KCTD1: variants seen among roughly 807,000 people sequenced by gnomAD.
The protein encoded by KCTD1 is potassium channel tetramerization domain containing 1, also known as BTB/POZ domain-containing protein KCTD1.
KCTD1 carries 24 observed loss-of-function variants against 66.0 expected under a neutral mutation model. The observed-to-expected ratio is 0.36, with a 90% CI of 0.26 to 0.51. The LOEUF (loss-of-function observed/expected upper bound fraction) is 0.51, where lower values mean the gene tolerates loss of function less well. Ranked by LOEUF, KCTD1 falls within the 20% of genes least tolerant of loss-of-function variation. The pLI, the probability that KCTD1 is intolerant of heterozygous loss-of-function variation, is 0.95. For synonymous variants in KCTD1, 511 were observed against 517.2 expected, an observed-to-expected ratio of 0.99 and a Z score of 0.16; for missense variants, 943 against 1,205.2, an observed-to-expected ratio of 0.78 and a Z score of 3.22.
Position 26,476,761 on chromosome 18 carries a change from G to A in KCTD1, c.1989-102C>T, listed in dbSNP as rs1981371267. 2 of 997,318 alleles carry A rather than the reference G, an allele frequency of 2.0e-6. No homozygotes were observed. Among genetic ancestry groups the A allele is most frequent in the Non-Finnish European group, 3.0e-6 (2 of 664,156 alleles). The allele number at this position is 997,318 out of a possible 1,614,324, so 61.8% of individuals were successfully genotyped here. A position where few individuals can be genotyped will look rare whatever the true frequency, so the allele number is the denominator to read the frequency against. ...CACTGTCAAAGGTAGCACTTTTGAAGATGGCAGTAGGGAAAAATTACGATT... is the reference window on the plus strand; with the variant it reads ...CACTGTCAAAGGTAGCACTTTTGAAAATGGCAGTAGGGAAAAATTACGATT... On this transcript the variant is annotated intron_variant, in intron 2 of 4. Transcript: ENST00000580059. This position sits in a 1 kb window ranked among gnomAD's most constrained non-coding sequence, Gnocchi z 4.9.
intron 1 of KCTD1, among the ~76,000 whole-genome samples, chr18:26,537,658 C>T (rs926680577): frequency 2.6e-5 from 4 of 152,196 alleles, no homozygotes; most frequent in African/African-American, 9.7e-5. Flanking sequence ...ATTAGGGAAA[C>T]GTAAACATCA....
In KCTD1 at chr18:26,548,204, G is replaced by A. The variant is rs780845876; in HGVS notation, c.333C>T (p.Ala111=). The A allele has an allele frequency of 7.4e-5, 112 of 1,503,844 alleles. No individual in the cohort carries two copies. The highest frequency in any genetic ancestry group is 5.7e-4 in the African/African-American group (41 of 71,534). The allele number at this position is 1,503,844 out of a possible 1,614,324, so 93.2% of individuals were successfully genotyped here. A position where few individuals can be genotyped will look rare whatever the true frequency, so the allele number is the denominator to read the frequency against. Reference sequence around the variant, plus strand: ...CCGGCTCGGGCTCCAGCTCCTCCCCGGCCGAGTCCTCGGGCTCCAGGGGCT... The same window carrying A: ...CCGGCTCGGGCTCCAGCTCCTCCCCAGCCGAGTCCTCGGGCTCCAGGGGCT... The part of the protein sequence containing the change: ...WDEPLEPEDS[A]GEELEPEPVH... Residue 111 remains alanine (A), a synonymous_variant, in exon 1 of 5, where the codon GCC becomes GCT. Transcript: ENST00000580059.
intron 2 of KCTD1, among the ~76,000 whole-genome samples, chr18:26,492,490 G>A (rs1187496463): frequency 1.3e-5 from 2 of 151,950 alleles, no homozygotes; most frequent in South Asian, 2.1e-4. Flanking sequence ...AAAATTAACC[G>A]AATGTGGTGG....
intron 1 of KCTD1, among the ~76,000 whole-genome samples, chr18:26,514,426 C>T (rs1378068979): frequency 1.3e-5 from 2 of 151,726 alleles, no homozygotes; most frequent in South Asian, 2.1e-4. Flanking sequence ...GTGGTCTCAG[C>T]CTACAGTCTG....
At chr18:26,495,554 C>T (rs755106370) in intron 2 of KCTD1, among the ~76,000 whole-genome samples, 2 of 152,098 alleles carry the variant, frequency 1.3e-5, no homozygotes, top group South Asian at 4.1e-4. Flanking sequence ...GAGTTTCTTG[C>T]GTTTTGCAAT....
intron 1 of KCTD1, among the ~76,000 whole-genome samples, chr18:26,656,318 G>A (rs1283443163): frequency 6.6e-6 from 1 of 151,868 alleles, no homozygotes; most frequent in Non-Finnish European, 1.5e-5. Context: ...TCCCAGCGCC[G>A]CCCCCACCCC....
chr18:26,478,139 T>C (rs1016300148), intron 2 of KCTD1, among the ~76,000 whole-genome samples: 3 of 152,242 alleles, frequency 2.0e-5, no homozygotes, highest in Admixed American at 1.3e-4. Flanking sequence ...TAAAACATTT[T>C]ACTCTTCACT....
rs369197738 is a variant in KCTD1 at position 26,653,519 on chromosome 18, G to A, written c.9+3841C>T. On this transcript the variant is annotated intron_variant, in intron 1 of 4. Transcript: ENST00000580191. ...ATCTCTGTCAGTTGTTCAGTTATTC[G>A]ATGAATGTCTGCCTCTCTGTCTGGA... Among the ~76,000 whole-genome samples, 9 of 152,192 alleles carry A rather than the reference G, an allele frequency of 5.9e-5. No individual in the cohort carries two copies. The South Asian group carries it at 6.2e-4, about 11-fold the overall frequency.
chr18:26,588,933 C>T (rs531058334), intron 1 of KCTD1, among the ~76,000 whole-genome samples: 3 of 152,236 alleles, frequency 2.0e-5, no homozygotes, highest in South Asian at 2.1e-4. Context: ...GAGGTCCATG[C>T]GGCTTGGCTT....
At chr18:26,469,332 G>A (rs1239206256) in intron 3 of KCTD1, among the ~76,000 whole-genome samples, 6 of 152,178 alleles carry the variant, frequency 3.9e-5, no homozygotes, top group Non-Finnish European at 5.9e-5. Flanking sequence ...ATCCTAGGCA[G>A]GTGGGTGGGT....
chr18:26,557,393 A>T (rs966762568), intron 1 of KCTD1, among the ~76,000 whole-genome samples: 1 of 152,216 alleles, frequency 6.6e-6, no homozygotes, highest in African/African-American at 2.4e-5. Context: ...ACCATGCTTT[A>T]GTGGTCAACA....
chr18:26,567,488 G>GTTTTTTTTT (rs201110977), intron 1 of KCTD1, among the ~76,000 whole-genome samples: 1 of 112,772 alleles, frequency 8.9e-6, no homozygotes, highest in African/African-American at 3.2e-5. Flanking sequence ...TGTTGTTGTT[G>GTTTTTTTTT]TTTTTTTTTT....
intron 1 of KCTD1, among the ~76,000 whole-genome samples, chr18:26,601,228 C>T (rs1026071370): frequency 8.3e-5 from 12 of 145,404 alleles, no homozygotes; most frequent in Admixed American, 2.1e-4. Context: ...CCCACCCGTA[C>T]GGACTTGGGG....
Position 26,459,695 on chromosome 18 carries a change from A to C in KCTD1, c.2364T>G (p.Asn788Lys), listed in dbSNP as rs1314689399. The part of the protein sequence containing the change: ...EIGDVMCNSV[N>K]AGWNHDSTHV... ...GCGTCGAGTCGTGATTCCAGCCTGC[A>C]TTGACAGAGTTACACATCACGTCGC... The change falls in exon 4 of 5, where the codon AAT becomes AAG. Residue 788 changes from asparagine (N) to lysine (K), a missense_variant. By Grantham distance (94) the Asn-to-Lys change is moderately conservative. This residue lies in a region of KCTD1 where 162 missense variants were observed against 232.4 expected (regional missense o/e 0.70). Transcript: ENST00000580059. The C allele has an allele frequency of 2.5e-6, 4 of 1,613,760 alleles. No individual in the cohort carries two copies. Among genetic ancestry groups the C allele is most frequent in the Non-Finnish European group, 3.4e-6 (4 of 1,179,782 alleles).
intron 1 of KCTD1, among the ~76,000 whole-genome samples, chr18:26,609,146 A>G (rs1056433661): frequency 2.6e-5 from 4 of 152,198 alleles, no homozygotes; most frequent in Non-Finnish European, 4.4e-5. Flanking sequence ...ATAGGATAAA[A>G]TGTTAAAGTA....
intron 1 of KCTD1, among the ~76,000 whole-genome samples, chr18:26,556,004 C>T (rs996895732): frequency 5.3e-5 from 8 of 149,872 alleles, no homozygotes; most frequent in African/African-American, 1.2e-4. Context: ...GTACCTGCCC[C>T]GTGGCTGTGT....
chr18:26,550,043 T>C (rs8084658), upstream of KCTD1, among the ~76,000 whole-genome samples: 10,709 of 151,210 alleles, frequency 0.071, 515 homozygotes, highest in African/African-American at 0.13. The surrounding 1 kb of genome is among the most constrained non-coding windows in gnomAD (Gnocchi z 5.4). Flanking sequence ...ACTTTCACCT[T>C]CTCCCGCAGC....
intron 1 of KCTD1, among the ~76,000 whole-genome samples, chr18:26,620,381 A>ACC (rs1568011907): frequency 8.8e-6 from 1 of 113,548 alleles, no homozygotes; most frequent in Non-Finnish European, 1.8e-5. Context: ...AAAAAAAAAA[A>ACC]AAAACTATAA....
chr18:26,605,626 TTCTG>T (rs889457122), intron 1 of KCTD1, among the ~76,000 whole-genome samples: 3 of 152,190 alleles, frequency 2.0e-5, no homozygotes, highest in African/African-American at 4.8e-5. Flanking sequence ...TAGCTGTAGC[TTCTG>T]TCTGTCTCTC....
Sources: allele counts gnomAD v4.1 joint callset (sites outside exome capture counted in the v4.1 genomes callset), GRCh38; gene constraint gnomAD v4.1.1; regional missense constraint gnomAD v4.1.1; non-coding constraint Gnocchi (gnomAD v3.1); transcripts MANE v1.5; gene names NCBI Gene and HGNC (gene_info 2026-07-23, HGNC 2026-07-21).